CHGB: variants seen among roughly 807,000 people sequenced by gnomAD.
The protein encoded by CHGB is chromogranin B, also known as secretogranin-1.
A neutral mutation model predicts 69.9 loss-of-function variants in CHGB; 46 were observed. That is an observed-to-expected ratio of 0.66 (90% CI 0.52 to 0.84). The LOEUF (loss-of-function observed/expected upper bound fraction) is 0.84. CHGB is among the 40% of genes least tolerant of loss of function. The pLI is 0.00. For synonymous variants in CHGB, 312 were observed against 298.2 expected (o/e 1.05, Z -0.48); for missense variants, 796 against 822.2 (o/e 0.97, Z 0.39).
chr20:5,920,589 G>A (rs1405518602), intron 3 of CHGB, among the ~76,000 whole-genome samples: 3 of 152,108 alleles, frequency 2.0e-5, no homozygotes, highest in Non-Finnish European at 4.4e-5. Context: ...CATTGTAAGT[G>A]CTCTACCTTG....
At chr20:5,918,525 A>G (rs1307396522) in intron 3 of CHGB, among the ~76,000 whole-genome samples, 4 of 151,964 alleles carry the variant, frequency 2.6e-5, no homozygotes, top group Non-Finnish European at 5.9e-5. Flanking sequence ...CAAAAGAGTA[A>G]CCTGAGGCCA....
Position 5,922,565 on chromosome 20 carries a change from C to G in CHGB, c.421C>G (p.Leu141Val). ...GCGAGCGGATGAGCCCCAGTGGAGC[C>G]TCTATCCCTCCGACAGCCAAGTCTC... ...RERADEPQWS[L>V]YPSDSQVSEE... Residue 141 changes from leucine (L) to valine (V), a missense_variant, in exon 4 of 5, where the codon CTC (leucine) becomes GTC (valine). Around this residue, in one of 3 missense-constraint regions of CHGB, gnomAD observed 518 missense variants for 506.3 expected, o/e 1.02. Transcript: ENST00000378961. 1 of 1,613,772 alleles carries G rather than the reference C, an allele frequency of 6.2e-7. No individual in the cohort carries two copies. Among genetic ancestry groups the G allele is most frequent in the Non-Finnish European group, 8.5e-7 (1 of 1,179,830 alleles).
Position 5,925,103 on chromosome 20 carries a change from T to A in CHGB, c.*54T>A. 1 of 1,171,590 alleles carries A rather than the reference T, an allele frequency of 8.5e-7. No individual in the cohort carries two copies. The highest frequency in any genetic ancestry group is 1.3e-6 in the Non-Finnish European group (1 of 798,676). 72.6% of individuals were successfully genotyped at this position (1,171,590 alleles called of 1,614,324 possible). A position where few individuals can be genotyped will look rare whatever the true frequency, so the allele number is the denominator to read the frequency against. ...GAAGCAGCCATCACATGATCTGTTT[T>A]TCACCACTTCACTGAAAGACACCAT... On this transcript the variant is annotated 3_prime_UTR_variant, in exon 5 of 5. Coordinates refer to ENST00000378961, the MANE Select transcript of CHGB (RefSeq NM_001819.3).
intron 1 of CHGB, among the ~76,000 whole-genome samples, chr20:5,914,224 C>A (rs2122566732): frequency 6.6e-6 from 1 of 152,178 alleles, no homozygotes; most frequent in South Asian, 2.1e-4. Context: ...GACAACATGC[C>A]TTTGGCTATT....
chr20:5,917,316 G>A (rs554204863), intron 3 of CHGB: 47 of 174,362 alleles, frequency 2.7e-4, no homozygotes, highest in African/African-American at 9.9e-4. Flanking sequence ...TTATGGAAGT[G>A]TTGGACAATG....
At chr20:5,915,156 T>G (rs1408464827) in intron 1 of CHGB, among the ~76,000 whole-genome samples, 1 of 152,176 alleles carries the variant, frequency 6.6e-6, no homozygotes, top group Non-Finnish European at 1.5e-5. Flanking sequence ...GTAAATGCTT[T>G]GGGCTGTTCT....
chr20:5,924,034 G>A lies in CHGB; in HGVS notation c.1890G>A (p.Val630=), dbSNP rs1338261276. The A allele has an allele frequency of 1.2e-6, 2 of 1,613,550 alleles. No homozygotes were observed. The highest frequency in any genetic ancestry group is 1.3e-5 in the African/African-American group (1 of 74,894). ...FPDFYDSEEP[V]STHQEAENEK... ...ACTTCTATGATTCTGAGGAGCCGGT[G>A]AGCACCCACCAGGAGGCAGAAAATG... The change falls in exon 4 of 5, where the codon GTG becomes GTA. Residue 630 remains valine, a synonymous_variant. Coordinates refer to ENST00000378961, the MANE Select transcript of CHGB (RefSeq NM_001819.3).
In CHGB at chr20:5,922,794, C is replaced by G; in HGVS notation, c.650C>G (p.Ser217Trp). Reference sequence around the variant, plus strand: ...AAAAAAGAGGAGTTAGTGGCCAGATCGGAAACACATGCTGCCGGGCATTCT... The same window carrying G: ...AAAAAAGAGGAGTTAGTGGCCAGATGGGAAACACATGCTGCCGGGCATTCT... ...AIKKEELVAR[S>W]ETHAAGHSQE... Residue 217 changes from serine (S) to tryptophan (W), a missense_variant, in exon 4 of 5, where the codon TCG (serine) becomes TGG (tryptophan). Around this residue, in one of 3 missense-constraint regions of CHGB, gnomAD observed 518 missense variants for 506.3 expected, o/e 1.02. Transcript: ENST00000378961. 6.2e-7 allele frequency: 1 copy of G among 1,614,048 alleles called. No homozygotes were observed. Among genetic ancestry groups the G allele is most frequent in the Non-Finnish European group, 8.5e-7 (1 of 1,180,024 alleles).
At chr20:5,921,557 G>A (rs2088514068) in intron 3 of CHGB, among the ~76,000 whole-genome samples, 2 of 152,218 alleles carry the variant, frequency 1.3e-5, no homozygotes, top group Admixed American at 1.3e-4. Flanking sequence ...TAAAATATCA[G>A]TTATACCATG....
At position 5,925,072 on chromosome 20, in the gene CHGB, T is replaced by G; in HGVS notation, c.*23T>G. The G allele has an allele frequency of 6.5e-7, 1 of 1,542,254 alleles. No homozygotes were observed. The highest frequency in any genetic ancestry group is 8.9e-7 in the Non-Finnish European group (1 of 1,119,556). ...TGACTGTCATTGGAGCGGTGGGCAC[T>G]GTTAAGAAGCAGCCATCACATGATC... On this transcript the variant is annotated 3_prime_UTR_variant, in exon 5 of 5. Coordinates refer to ENST00000378961, the MANE Select transcript of CHGB (RefSeq NM_001819.3).
At position 5,925,010 on chromosome 20, in the gene CHGB, A is replaced by G. The variant is rs1354112898; in HGVS notation, c.1995A>G (p.Glu665=). Residue 665 remains glutamate, a synonymous_variant, in exon 5 of 5, where the codon GAA becomes GAG. Coordinates refer to ENST00000378961, the MANE Select transcript of CHGB (RefSeq NM_001819.3). ...AAAACTTGGCTGCAATGGATTTGGA[A>G]CTACAGAAGATAGCTGAGAAATTCA... ...ELENLAAMDL[E]LQKIAEKFSQ... The G allele has an allele frequency of 6.2e-7, 1 of 1,613,550 alleles. No individual in the cohort carries two copies. Among genetic ancestry groups the G allele is most frequent in the African/African-American group, 1.3e-5 (1 of 74,920 alleles).
At chr20:5,913,914 G>A (rs1296171575) in intron 1 of CHGB, among the ~76,000 whole-genome samples, 1 of 152,108 alleles carries the variant, frequency 6.6e-6, no homozygotes, top group Non-Finnish European at 1.5e-5. Flanking sequence ...TTACAGGCAT[G>A]AGCCACTGCA....
At chr20:5,911,795 AG>A in intron 1 of CHGB, 113 bp downstream of exon 1, 1 of 1,004,594 alleles carries the variant, frequency 1.0e-6, no homozygotes, top group Non-Finnish European at 1.4e-6. Context: ...GTTGAGGGGA[AG>A]GTTTACCTCT....
rs748723984 is a variant in CHGB at position 5,911,586 on chromosome 20, G to C, written c.-48G>C. ...CCTTCCTCCTGCGCCTCGCTTCTCC[G>C]GTCCAGCCGCCATCTTCCTTTCCGC... On this transcript the variant is annotated 5_prime_UTR_variant, in exon 1 of 5. Coordinates refer to ENST00000378961, the MANE Select transcript of CHGB (RefSeq NM_001819.3). The C allele has an allele frequency of 6.6e-7, 1 of 1,514,970 alleles. No individual in the cohort carries two copies. Among genetic ancestry groups the C allele is most frequent in the Non-Finnish European group, 8.8e-7 (1 of 1,136,280 alleles). The allele number at this position is 1,514,970 out of a possible 1,614,324, so 93.8% of individuals were successfully genotyped here.
At chr20:5,918,871 T>TG (rs922321492) in intron 3 of CHGB, among the ~76,000 whole-genome samples, 26 of 140,232 alleles carry the variant, frequency 1.9e-4, no homozygotes, top group Non-Finnish European at 6.1e-5. Flanking sequence ...ATTCAATCTT[T>TG]GGGGGCTTCA....
At chr20:5,918,771 C>T (rs1237934202) in intron 3 of CHGB, among the ~76,000 whole-genome samples, 1 of 134,804 alleles carries the variant, frequency 7.4e-6, no homozygotes, top group Non-Finnish European at 1.5e-5. Context: ...GAGATTGCCC[C>T]ACGGCATTCC....
Position 5,922,447 on chromosome 20 carries a change from G to A in CHGB, c.303G>A (p.Arg101=), listed in dbSNP as rs2088519440. The A allele has an allele frequency of 1.2e-6, 2 of 1,613,444 alleles. No homozygotes were observed. Residue 101 remains arginine, a synonymous_variant, in exon 4 of 5, where the codon AGG becomes AGA. Transcript: ENST00000378961. ...DASEAHESSS[R]GEAGAPGEED... ...CGGAAGCCCACGAGTCCTCCAGCAGGGGAGAGGCAGGAGCCCCAGGGGAGG... is the reference window on the plus strand; with the variant it reads ...CGGAAGCCCACGAGTCCTCCAGCAGAGGAGAGGCAGGAGCCCCAGGGGAGG...
In CHGB at chr20:5,916,863, T is replaced by G; in HGVS notation, c.134T>G (p.Leu45Trp). 6.2e-7 allele frequency: 1 copy of G among 1,614,192 alleles called. No homozygotes were observed. ...ATCATTGAGGTCCTCTCAAATGCCT[T>G]GTCGAAGTCCAGCGCTCCACCCATC... ...RCIIEVLSNA[L>W]SKSSAPPITP... Residue 45 changes from leucine to tryptophan, a missense_variant, in exon 3 of 5, where the codon TTG (leucine) becomes TGG (tryptophan). This residue lies in a region of CHGB where 518 missense variants were observed against 506.3 expected (regional missense o/e 1.02). Coordinates refer to ENST00000378961, the MANE Select transcript of CHGB (RefSeq NM_001819.3).
rs761517698 is a variant in CHGB, at chr20:5,922,671, G to A, written c.527G>A (p.Gly176Glu). 27 of 1,613,864 alleles carry A rather than the reference G, an allele frequency of 1.7e-5. No homozygotes were observed. The highest frequency in any genetic ancestry group is 2.1e-5 in the Non-Finnish European group (25 of 1,179,900). ...EEEEGENYQK[G>E]ERGEDSSEEK... ...GAGGAGGGAGAGAACTATCAAAAAG[G>A]GGAGCGAGGGGAAGATAGCAGTGAA... The change falls in exon 4 of 5, where the codon GGG becomes GAG. Residue 176 changes from glycine (G) to glutamate (E), a missense_variant. By Grantham distance (98) the Gly-to-Glu change is moderately conservative. This residue lies in a region of CHGB where 518 missense variants were observed against 506.3 expected (regional missense o/e 1.02). Coordinates refer to ENST00000378961, the MANE Select transcript of CHGB (RefSeq NM_001819.3).
Sources: allele counts gnomAD v4.1 joint callset (sites outside exome capture counted in the v4.1 genomes callset), GRCh38; gene constraint gnomAD v4.1.1; regional missense constraint gnomAD v4.1.1; transcripts MANE v1.5; gene names NCBI Gene and HGNC (gene_info 2026-07-23, HGNC 2026-07-21).